The following EYA1 variants were observed in gnomAD, a reference collection of about 807,000 sequenced individuals.
The protein encoded by EYA1 is protein phosphatase EYA1.
Under a neutral mutation model 82.0 loss-of-function variants are expected in EYA1, and 16 were observed. The ratio of observed to expected loss-of-function variants is 0.20; its 90% CI spans 0.13 to 0.30. The LOEUF is 0.30. EYA1 is among the 10% of genes least tolerant of loss of function. The probability of loss-of-function intolerance (pLI) is 1.00; values close to 1 mark genes in which losing one functional copy is unlikely to be tolerated. For synonymous variants in EYA1, 261 were observed against 264.4 expected (o/e 0.99, Z 0.12); for missense variants, 633 against 730.7 (o/e 0.87, Z 1.54).
At chr8:71,207,262 C>T (rs1563613651) in intron 17 of EYA1, among the ~76,000 whole-genome samples, 2 of 152,140 alleles carry the variant, frequency 1.3e-5, no homozygotes, top group Admixed American at 6.5e-5. Flanking sequence ...TACTCATTAT[C>T]TTTTGTGAAT....
At chr8:71,402,309 C>A (rs1343918371) in intron 2 of EYA1, among the ~76,000 whole-genome samples, 2 of 152,120 alleles carry the variant, frequency 1.3e-5, no homozygotes, top group East Asian at 3.9e-4. Context: ...TACTAGCAAT[C>A]ATAAGCTGAA....
chr8:71,202,004 A>G (rs910990649), intron 17 of EYA1, among the ~76,000 whole-genome samples: 1 of 152,228 alleles, frequency 6.6e-6, no homozygotes, highest in Admixed American at 6.5e-5. Flanking sequence ...CTCTTCAGAT[A>G]ATCCATCTAG....
At chr8:71,299,759 T>C in intron 7 of EYA1, 39 bp from the exon 8 acceptor site, 2 of 1,016,182 alleles carry the variant, frequency 2.0e-6, no homozygotes, top group Non-Finnish European at 1.6e-6. Context: ...ATACCAGGCT[T>C]GTGGAATAAT....
At chr8:71,470,945 A>AT in intron 2 of EYA1, 1 of 442,370 alleles carries the variant, frequency 2.3e-6, no homozygotes, top group Non-Finnish European at 4.5e-6. Flanking sequence ...TAAAAAAAAA[A>AT]GGAAAAAGGG....
rs768527720 is a variant in EYA1 at position 71,334,222 on chromosome 8, T to C, written c.125-48A>G. The C allele has an allele frequency of 1.2e-5, 16 of 1,324,806 alleles. 1 individual carries two copies. The Admixed American group carries it at 2.7e-4, about 22-fold the overall frequency. The allele number at this position is 1,324,806 out of a possible 1,614,324, so 82.1% of individuals were successfully genotyped here. A position where few individuals can be genotyped will look rare whatever the true frequency, so the allele number is the denominator to read the frequency against. On this transcript the variant is annotated intron_variant, in intron 3 of 17. Coordinates refer to ENST00000340726, the MANE Select transcript of EYA1 (RefSeq NM_000503.6). ...TCGATATTGAATTAATAGTTATTTGTAAAGACATGGAAGAGAAGATATAAC... is the reference window on the plus strand; with the variant it reads ...TCGATATTGAATTAATAGTTATTTGCAAAGACATGGAAGAGAAGATATAAC...
intron 2 of EYA1, chr8:71,404,635 T>C (rs1830116037): frequency 6.6e-6 from 1 of 152,174 alleles, no homozygotes; most frequent in Non-Finnish European, 1.5e-5. Context: ...CAGAAATATA[T>C]AGGCCTGGGG....
chr8:71,260,838 G>T (rs961324580), intron 11 of EYA1, among the ~76,000 whole-genome samples: 8 of 152,298 alleles, frequency 5.3e-5, no homozygotes, highest in South Asian at 2.1e-4. Context: ...TGTTAAGTAT[G>T]CTCAAATCAA....
At chr8:71,395,737 T>G (rs1484542862) in intron 2 of EYA1, among the ~76,000 whole-genome samples, 2 of 152,188 alleles carry the variant, frequency 1.3e-5, no homozygotes, top group Non-Finnish European at 2.9e-5. Flanking sequence ...ATCAGGGATA[T>G]TGGTGTAAAA....
chr8:71,217,694 A>ATT (rs138264160), intron 12 of EYA1, among the ~76,000 whole-genome samples: 5 of 151,998 alleles, frequency 3.3e-5, no homozygotes, highest in African/African-American at 1.2e-4. Context: ...TTTTTTTTAC[A>ATT]TTTTTTGTGT....
intron 2 of EYA1, among the ~76,000 whole-genome samples, chr8:71,467,676 A>G (rs1300298905): frequency 6.6e-6 from 1 of 152,176 alleles, no homozygotes; most frequent in Non-Finnish European, 1.5e-5. Context: ...TTGAAAGCAT[A>G]TCAAAATACA....
chr8:71,453,475 C>A (rs2129182159), intron 2 of EYA1, among the ~76,000 whole-genome samples: 1 of 152,192 alleles, frequency 6.6e-6, no homozygotes, highest in East Asian at 1.9e-4. Flanking sequence ...TTGTCAGATT[C>A]ATCAAAGTTG....
At chr8:71,464,528 G>T (rs1808637799) in intron 2 of EYA1, among the ~76,000 whole-genome samples, 1 of 152,162 alleles carries the variant, frequency 6.6e-6, no homozygotes, top group Admixed American at 6.5e-5. Flanking sequence ...GGCCTAGTTG[G>T]CCCAATAGAT....
At chr8:71,379,446 T>C (rs1828568071) in intron 2 of EYA1, among the ~76,000 whole-genome samples, 2 of 152,140 alleles carry the variant, frequency 1.3e-5, no homozygotes, top group East Asian at 1.9e-4. Flanking sequence ...CCATCAGGAC[T>C]GAAATCCTGA....
intron 2 of EYA1, among the ~76,000 whole-genome samples, chr8:71,399,630 A>G (rs1489710034): frequency 1.3e-5 from 2 of 152,228 alleles, no homozygotes; most frequent in East Asian, 1.9e-4. Context: ...CCAGTGCTCA[A>G]GGAAATCAGA....
Position 71,362,003 on chromosome 8 carries a change from T to C in EYA1, c.-411A>G. 2 of 985,502 alleles carry C rather than the reference T, an allele frequency of 2.0e-6. No homozygotes were observed. The highest frequency in any genetic ancestry group is 1.7e-5 in the African/African-American group (1 of 57,370). 61.0% of individuals were successfully genotyped at this position (985,502 alleles called of 1,614,324 possible). ...TCGGAGCCATCAGCTCCCACCGTTC[T>C]GTTTGGTAACAGCTTTGCGCCCAGC... On this transcript the variant is annotated 5_prime_UTR_variant, in exon 1 of 18. Coordinates refer to ENST00000340726, the MANE Select transcript of EYA1 (RefSeq NM_000503.6).
intron 2 of EYA1, among the ~76,000 whole-genome samples, chr8:71,436,795 G>A (rs1426042765): frequency 1.3e-5 from 2 of 152,156 alleles, no homozygotes; most frequent in East Asian, 3.9e-4. Flanking sequence ...GCAAATCAGT[G>A]TTGATTGAAA....
At chr8:71,400,625 G>A (rs1468688301) in intron 2 of EYA1, among the ~76,000 whole-genome samples, 9 of 152,260 alleles carry the variant, frequency 5.9e-5, no homozygotes, top group Non-Finnish European at 1.0e-4. Context: ...TTATTAAAAA[G>A]TCAAGAAACA....
At chr8:71,414,424 C>A (rs936158195) in intron 2 of EYA1, among the ~76,000 whole-genome samples, 1 of 152,216 alleles carries the variant, frequency 6.6e-6, no homozygotes, top group Admixed American at 6.5e-5. Context: ...CCCATCATTT[C>A]CGGTGTACCC....
chr8:71,359,723 C>T (rs1358606440), intron 1 of EYA1, among the ~76,000 whole-genome samples: 1 of 151,896 alleles, frequency 6.6e-6, no homozygotes, highest in East Asian at 1.9e-4. Flanking sequence ...TATAAAATGA[C>T]TATAATTTAA....
Sources: allele counts gnomAD v4.1 joint callset (sites outside exome capture counted in the v4.1 genomes callset), GRCh38; gene constraint gnomAD v4.1.1; transcripts MANE v1.5; gene names NCBI Gene and HGNC (gene_info 2026-07-23, HGNC 2026-07-21).